The following PCDH9 variants were observed in gnomAD, a reference collection of about 807,000 sequenced individuals.
PCDH9 encodes protocadherin-9.
PCDH9 carries 24 observed loss-of-function variants against 70.6 expected under a neutral mutation model. The ratio of observed to expected loss-of-function variants is 0.34; its 90% CI spans 0.25 to 0.48. PCDH9 has a LOEUF of 0.48. PCDH9 is among the 20% of genes least tolerant of loss of function. The pLI is 0.99. For synonymous variants in PCDH9, 562 were observed against 558.5 expected (o/e 1.01, Z -0.09); for missense variants, 1,281 against 1,503.6 (o/e 0.85, Z 2.45).
At chr13:67,131,423 G>T (rs992978231) in intron 2 of PCDH9, among the ~76,000 whole-genome samples, 22 of 152,126 alleles carry the variant, frequency 1.4e-4, no homozygotes, top group African/African-American at 5.3e-4. Context: ...ATAAGGCACT[G>T]TTAACCAACA....
intron 2 of PCDH9, chr13:66,978,388 A>T (rs559985242): frequency 6.6e-6 from 1 of 152,158 alleles, no homozygotes; most frequent in East Asian, 1.9e-4. Flanking sequence ...TCCATCTGCA[A>T]AATAAAAGCA....
intron 3 of PCDH9, among the ~76,000 whole-genome samples, chr13:66,856,837 C>T (rs1346688851): frequency 3.3e-5 from 5 of 152,008 alleles, no homozygotes; most frequent in South Asian, 2.1e-4. Context: ...ACCAAAATAG[C>T]GTTTCTACAA....
At chr13:66,527,889 A>G (rs554255222) in intron 4 of PCDH9, among the ~76,000 whole-genome samples, 1 of 152,110 alleles carries the variant, frequency 6.6e-6, no homozygotes, top group Admixed American at 6.6e-5. Context: ...ATGGTTGTAC[A>G]TGTCTGTAAT....
At chr13:66,769,674 T>C (rs1217502854) in intron 3 of PCDH9, among the ~76,000 whole-genome samples, 1 of 152,100 alleles carries the variant, frequency 6.6e-6, no homozygotes, top group Admixed American at 6.6e-5. Context: ...TGGGCTGCTG[T>C]TTTTAAAAAT....
chr13:66,635,430 G>A (rs753737431), intron 3 of PCDH9, among the ~76,000 whole-genome samples: 1 of 152,108 alleles, frequency 6.6e-6, no homozygotes, highest in Non-Finnish European at 1.5e-5. Flanking sequence ...ATTAGGCAAA[G>A]TTTGTATCAG....
At chr13:66,830,892 T>C (rs1482985012) in intron 3 of PCDH9, among the ~76,000 whole-genome samples, 1 of 152,244 alleles carries the variant, frequency 6.6e-6, no homozygotes, top group Non-Finnish European at 1.5e-5. Context: ...AAATTTTAAC[T>C]TACTTTTTAA....
intron 2 of PCDH9, among the ~76,000 whole-genome samples, chr13:67,028,283 T>C (rs368776003): frequency 2.7e-5 from 4 of 146,870 alleles, no homozygotes; most frequent in South Asian, 2.3e-4. Context: ...ATGGATGAAA[T>C]TGGAAATCAT....
At chr13:66,538,760 G>A (rs999657343) in intron 4 of PCDH9, among the ~76,000 whole-genome samples, 1 of 149,612 alleles carries the variant, frequency 6.7e-6, no homozygotes, top group African/African-American at 2.4e-5. Flanking sequence ...AAGTATCTGG[G>A]TACTTTGGCC....
chr13:66,483,070 A>T (rs921744745), intron 4 of PCDH9, among the ~76,000 whole-genome samples: 3 of 152,168 alleles, frequency 2.0e-5, no homozygotes, highest in Non-Finnish European at 4.4e-5. Flanking sequence ...CATATGATTG[A>T]TGCTAGAAAA....
intron 3 of PCDH9, among the ~76,000 whole-genome samples, chr13:66,814,035 G>T (rs2139366939): frequency 6.6e-6 from 1 of 152,276 alleles, no homozygotes; most frequent in East Asian, 1.9e-4. Flanking sequence ...TAGCACTGAA[G>T]TAAAACATAC....
chr13:66,390,081 A>G (rs1956991536), intron 4 of PCDH9, among the ~76,000 whole-genome samples: 1 of 152,204 alleles, frequency 6.6e-6, no homozygotes, highest in Admixed American at 6.5e-5. Context: ...GCCTGTTTAC[A>G]TTATTTGATA....
chr13:66,903,543 C>T lies in PCDH9; in HGVS notation c.3099G>A (p.Thr1033=), dbSNP rs773530084. ...PVTPQKCPSS[T]GFHIQENEES... is the part of the protein sequence containing the mutation. ...CTTCATTCTCCTGAATGTGGAAACC[C>T]GTGGAGCTGGGACATTTCTGAGGAG... is the stretch of plus-strand genomic sequence containing the variant. The change falls in exon 3 of 5, where the codon ACG becomes ACA. Residue 1033 remains threonine (T), a synonymous_variant. Coordinates refer to ENST00000377865, the MANE Select transcript of PCDH9 (RefSeq NM_203487.3). The T allele has an allele frequency of 2.3e-5, 37 of 1,582,070 alleles. No individual in the cohort carries two copies. The highest frequency in any genetic ancestry group is 3.1e-5 in the Non-Finnish European group (36 of 1,152,486).
chr13:66,557,102 T>C (rs959684973), intron 4 of PCDH9, among the ~76,000 whole-genome samples: 1 of 152,320 alleles, frequency 6.6e-6, no homozygotes, highest in South Asian at 2.1e-4. Flanking sequence ...GACACTCAAA[T>C]ACTGCTGAGG....
chr13:66,864,450 T>G (rs1432824697), intron 3 of PCDH9, among the ~76,000 whole-genome samples: 9 of 152,178 alleles, frequency 5.9e-5, no homozygotes, highest in Admixed American at 4.6e-4. Flanking sequence ...TGCATAGGCT[T>G]CTTTTTGGTG....
intron 3 of PCDH9, among the ~76,000 whole-genome samples, chr13:66,703,389 G>C (rs764815403): frequency 3.3e-5 from 5 of 152,062 alleles, no homozygotes; most frequent in Admixed American, 6.6e-5. Context: ...GTAACTAATA[G>C]TGCAGAGTGC....
intron 2 of PCDH9, among the ~76,000 whole-genome samples, chr13:67,043,758 G>A (rs1376550868): frequency 1.3e-5 from 2 of 152,112 alleles, no homozygotes; most frequent in African/African-American, 2.4e-5. Context: ...CTCTGTAGTG[G>A]CTTCATCAGA....
intron 4 of PCDH9, among the ~76,000 whole-genome samples, chr13:66,556,754 G>T (rs150563696): frequency 6.6e-6 from 1 of 151,960 alleles, no homozygotes; most frequent in African/African-American, 2.4e-5. Context: ...ATATTGTGGC[G>T]AATACTCAGG....
At chr13:66,410,136 G>A (rs904694048) in intron 4 of PCDH9, among the ~76,000 whole-genome samples, 2 of 151,454 alleles carry the variant, frequency 1.3e-5, no homozygotes, top group South Asian at 2.1e-4. Flanking sequence ...ATTTTTATCT[G>A]TTATTGTAAT....
intron 3 of PCDH9, among the ~76,000 whole-genome samples, chr13:66,889,682 ACT>A (rs1478787506): frequency 2.0e-5 from 3 of 152,064 alleles, no homozygotes; most frequent in South Asian, 2.1e-4. Context: ...GAGAGTAAAC[ACT>A]CTCTGGTTCT....
Sources: allele counts gnomAD v4.1 joint callset (sites outside exome capture counted in the v4.1 genomes callset), GRCh38; gene constraint gnomAD v4.1.1; transcripts MANE v1.5; gene names NCBI Gene and HGNC (gene_info 2026-07-23, HGNC 2026-07-21).